The following PTPRD variants were observed in gnomAD, a reference collection of about 807,000 sequenced individuals.
PTPRD encodes the protein protein tyrosine phosphatase receptor type D, also known as receptor-type tyrosine-protein phosphatase delta.
PTPRD carries 34 observed loss-of-function variants against 214.5 expected under a neutral mutation model. The ratio of observed to expected loss-of-function variants is 0.16; its 90% CI spans 0.12 to 0.21. PTPRD has a LOEUF of 0.21. Ranked by LOEUF, PTPRD falls within the 10% of genes least tolerant of loss-of-function variation. The probability of loss-of-function intolerance (pLI) is 1.00; values close to 1 mark genes in which losing one functional copy is unlikely to be tolerated. For synonymous variants in PTPRD, 1,128 were observed against 845.7 expected (o/e 1.33, Z -5.79); for missense variants, 2,545 against 2,398.7 (o/e 1.06, Z -1.27).
chr9:9,072,396 A>G (rs1304062829), intron 10 of PTPRD, among the ~76,000 whole-genome samples: 1 of 151,912 alleles, frequency 6.6e-6, no homozygotes, highest in South Asian at 2.1e-4. Flanking sequence ...GACTATACAC[A>G]ATGTCATTTG....
At chr9:9,794,458 G>C (rs1447210060) in intron 5 of PTPRD, among the ~76,000 whole-genome samples, 1 of 152,010 alleles carries the variant, frequency 6.6e-6, no homozygotes, top group African/African-American at 2.4e-5. Context: ...AGAGGCAAAA[G>C]TGAGTGTATC....
At chr9:8,351,687 C>G (rs573927112) in intron 39 of PTPRD, among the ~76,000 whole-genome samples, 2 of 122,666 alleles carry the variant, frequency 1.6e-5, no homozygotes, top group African/African-American at 6.5e-5. Context: ...GAGTGGATAT[C>G]AGAAAGTAAG....
chr9:9,004,661 T>C (rs148942603), intron 11 of PTPRD, among the ~76,000 whole-genome samples: 4 of 152,176 alleles, frequency 2.6e-5, no homozygotes, highest in Non-Finnish European at 5.9e-5. Flanking sequence ...ATAACCACCC[T>C]GCAAATAAAG....
intron 2 of PTPRD, among the ~76,000 whole-genome samples, chr9:10,544,371 C>G (rs985210487): frequency 3.3e-5 from 5 of 152,108 alleles, no homozygotes; most frequent in Admixed American, 3.3e-4. Context: ...AGTGATACAA[C>G]AGCTTATCGG....
At chr9:10,507,448 C>A (rs979323484) in intron 2 of PTPRD, among the ~76,000 whole-genome samples, 2 of 152,116 alleles carry the variant, frequency 1.3e-5, no homozygotes, top group Admixed American at 1.3e-4. Context: ...GAAAAAACTA[C>A]TTTAAAGATC....
intron 2 of PTPRD, among the ~76,000 whole-genome samples, chr9:10,403,228 A>G (rs2098301668): frequency 8.9e-5 from 1 of 11,206 alleles, no homozygotes; most frequent in South Asian, 2.4e-3. Context: ...GTGTGTGTAA[A>G]TATATATATA....
In PTPRD at chr9:10,572,022, A is replaced by T. The variant is rs546577462; in HGVS notation, c.-600+40376T>A. Among the ~76,000 whole-genome samples, 25 of 152,212 alleles carry T rather than the reference A, an allele frequency of 1.6e-4. No individual in the cohort carries two copies. The South Asian group carries it at 4.8e-3, about 29-fold the overall frequency. ...TATAAGAGGCTTTGAAATACTGTGC[A>T]TGCTTCCTAATACATTACTCTATGT... On this transcript the variant is annotated intron_variant, in intron 2 of 45. Coordinates refer to ENST00000381196, the MANE Select transcript of PTPRD (RefSeq NM_002839.4).
At chr9:10,097,784 G>T in intron 3 of PTPRD, among the ~76,000 whole-genome samples, 1 of 151,800 alleles carries the variant, frequency 6.6e-6, no homozygotes, top group African/African-American at 2.4e-5. Flanking sequence ...TGTTGAATAG[G>T]AGTGGTGAGA....
intron 7 of PTPRD, among the ~76,000 whole-genome samples, chr9:9,679,185 A>G (rs1439220869): frequency 6.6e-6 from 1 of 150,902 alleles, no homozygotes; most frequent in Admixed American, 6.6e-5. Flanking sequence ...CAATCTAAAG[A>G]TAGCACAAAC....
chr9:10,395,791 T>C (rs1376043647), intron 2 of PTPRD, among the ~76,000 whole-genome samples: 1 of 151,788 alleles, frequency 6.6e-6, no homozygotes, highest in Non-Finnish European at 1.5e-5. Context: ...AGTGTAATAA[T>C]CACAAGTGTG....
intron 26 of PTPRD, 120 bp downstream of exon 26, chr9:8,497,122 T>C: frequency 2.3e-6 from 2 of 853,998 alleles, no homozygotes; most frequent in Non-Finnish European, 3.6e-6. Flanking sequence ...AACTTAAAAA[T>C]AATTTGTTAG....
chr9:9,646,344 GGTGT>G (rs146202807), intron 7 of PTPRD, among the ~76,000 whole-genome samples: 112 of 134,998 alleles, frequency 8.3e-4, no homozygotes, highest in African/African-American at 3.2e-3. Context: ...TGTGTGTGTG[GGTGT>G]GTGTGTGTGT....
intron 39 of PTPRD, among the ~76,000 whole-genome samples, chr9:8,373,900 AT>A (rs879899392): frequency 0.067 from 7,375 of 110,394 alleles, 298 homozygotes; most frequent in Middle Eastern, 0.11. Context: ...CTATCTATCT[AT>A]CTATCTATCT....
intron 3 of PTPRD, among the ~76,000 whole-genome samples, chr9:10,119,183 T>C (rs1018178722): frequency 4.6e-5 from 7 of 151,936 alleles, no homozygotes; most frequent in Admixed American, 4.6e-4. Context: ...TTGAGGTGAT[T>C]GGCACAGAGC....
At chr9:9,166,133 G>T (rs1468552608) in intron 10 of PTPRD, among the ~76,000 whole-genome samples, 2 of 144,060 alleles carry the variant, frequency 1.4e-5, no homozygotes, top group Admixed American at 1.4e-4. Flanking sequence ...CAAGACTCTG[G>T]GTTTGATTTT....
intron 9 of PTPRD, among the ~76,000 whole-genome samples, chr9:9,366,297 G>A (rs1037060058): frequency 6.6e-6 from 1 of 151,500 alleles, no homozygotes; most frequent in African/African-American, 2.4e-5. Context: ...GGATTTACGA[G>A]ACGTTTTATT....
chr9:8,929,731 G>A (rs1005427035), intron 11 of PTPRD, among the ~76,000 whole-genome samples: 5 of 112,812 alleles, frequency 4.4e-5, no homozygotes, highest in African/African-American at 2.0e-4. Context: ...ATATATATAT[G>A]TGTATATATA....
intron 5 of PTPRD, among the ~76,000 whole-genome samples, chr9:9,848,879 C>T (rs996415813): frequency 6.6e-6 from 1 of 151,952 alleles, no homozygotes; most frequent in Non-Finnish European, 1.5e-5. Flanking sequence ...CAATAACATA[C>T]TTTAAATTTC....
chr9:10,462,851 C>A (rs1417670451), intron 2 of PTPRD, among the ~76,000 whole-genome samples: 1 of 151,142 alleles, frequency 6.6e-6, no homozygotes, highest in African/African-American at 2.4e-5. Flanking sequence ...AATTAATATA[C>A]AAATTAGCAT....
Sources: gnomAD v4.1 joint callset for allele counts (sites outside exome capture counted in the v4.1 genomes callset) on GRCh38, gnomAD v4.1.1 for gene constraint, MANE v1.5 for transcripts, NCBI Gene and HGNC (gene_info 2026-07-23, HGNC 2026-07-21) for gene names.